The following GALNT16 variants were observed in gnomAD, a reference collection of about 807,000 sequenced individuals.
GALNT16 encodes polypeptide N-acetylgalactosaminyltransferase 16.
GALNT16 carries 40 observed loss-of-function variants against 76.1 expected under a neutral mutation model. That is an observed-to-expected ratio of 0.53 (90% CI 0.41 to 0.68). The LOEUF is 0.68. Among genes scored for constraint, GALNT16 ranks in the 30% least tolerant of loss-of-function variants. The pLI, the probability that GALNT16 is intolerant of heterozygous loss-of-function variation, is 0.00. For synonymous variants in GALNT16, 276 were observed against 285.2 expected (o/e 0.97, Z 0.32); for missense variants, 621 against 731.9 (o/e 0.85, Z 1.75).
rs1468226777 is a variant in GALNT16 at position 69,341,667 on chromosome 14, GCCT to G, written c.1188-7_1188-5del. The G allele has an allele frequency of 6.3e-7, 1 of 1,595,754 alleles. No homozygotes were observed. Among genetic ancestry groups the G allele is most frequent in the Non-Finnish European group, 8.6e-7 (1 of 1,166,524 alleles). On this transcript the variant is annotated splice_polypyrimidine_tract_variant and intron_variant, in intron 11 of 14. Transcript: ENST00000448469. ...ACTGGCAGGCCAAAGCCCAAGCCCT[GCCT>G]CCTCCTACAGTGTGGCTACGCGGAT...
At chr14:69,286,819 T>C (rs1249753681) in intron 1 of GALNT16, among the ~76,000 whole-genome samples, 1 of 152,148 alleles carries the variant, frequency 6.6e-6, no homozygotes, top group Non-Finnish European at 1.5e-5. Flanking sequence ...CAGATGGGTG[T>C]TCACTATACA....
chr14:69,323,014 A>G (rs1440393169), intron 2 of GALNT16, among the ~76,000 whole-genome samples: 14 of 136,662 alleles, frequency 1.0e-4, no homozygotes, highest in South Asian at 2.4e-4. Flanking sequence ...GCACACGTGT[A>G]GGGAAGCAAA....
intron 10 of GALNT16, among the ~76,000 whole-genome samples, 170 bp downstream of exon 10, chr14:69,338,947 G>A (rs2045448873): frequency 6.6e-6 from 1 of 152,088 alleles, no homozygotes; most frequent in Non-Finnish European, 1.5e-5. Context: ...ACCTTCAGGG[G>A]TGGAGGGAGT....
intron 6 of GALNT16, among the ~76,000 whole-genome samples, chr14:69,331,053 G>T (rs1447521532): frequency 2.0e-5 from 3 of 152,160 alleles, no homozygotes; most frequent in African/African-American, 7.2e-5. Context: ...TAAAGCAACA[G>T]TTCAGACCAG....
chr14:69,370,120 C>G, the GALNT16 span, among the ~76,000 whole-genome samples: 2 of 152,166 alleles, frequency 1.3e-5, no homozygotes, highest in African/African-American at 4.8e-5. Context: ...AGTGCTGACT[C>G]TGTTTACATC....
intron 9 of GALNT16, among the ~76,000 whole-genome samples, chr14:69,336,348 G>A (rs181051393): frequency 0.038 from 5,804 of 152,196 alleles, 134 homozygotes; most frequent in South Asian, 0.054. Flanking sequence ...GACCTCTCAG[G>A]TGATCCACCC....
At chr14:69,286,254 G>A (rs1364054197) in intron 1 of GALNT16, among the ~76,000 whole-genome samples, 1 of 151,938 alleles carries the variant, frequency 6.6e-6, no homozygotes, top group Non-Finnish European at 1.5e-5. Context: ...TTCTTGGTAG[G>A]GATTTGGACT....
chr14:69,377,637 T>A, the GALNT16 span, among the ~76,000 whole-genome samples: 1 of 151,346 alleles, frequency 6.6e-6, no homozygotes, highest in Admixed American at 6.6e-5. Context: ...GGAGACCTCA[T>A]CTCTACAAAA....
chr14:69,378,512 A>G, the GALNT16 span, among the ~76,000 whole-genome samples: 1 of 152,230 alleles, frequency 6.6e-6, no homozygotes, highest in East Asian at 1.9e-4. Flanking sequence ...CTTTCATTGC[A>G]CATTTCACCT....
intron 1 of GALNT16, among the ~76,000 whole-genome samples, chr14:69,271,344 G>C (rs75742311): frequency 0.01 from 1,531 of 152,356 alleles, 11 homozygotes; most frequent in Non-Finnish European, 0.015. Context: ...CAGAAGGCCA[G>C]CGCTGGGGCA....
the GALNT16 span, among the ~76,000 whole-genome samples, chr14:69,374,954 A>G: frequency 6.6e-6 from 1 of 151,874 alleles, no homozygotes; most frequent in African/African-American, 2.4e-5. Flanking sequence ...AAATGACATT[A>G]ATTTATTCAT....
intron 1 of GALNT16, among the ~76,000 whole-genome samples, chr14:69,287,895 G>A (rs377505753): frequency 5.3e-5 from 8 of 152,250 alleles, no homozygotes; most frequent in East Asian, 3.9e-4. Context: ...CTTGATCCTC[G>A]CCTGGGTATT....
At chr14:69,380,521 C>CCCGG in the GALNT16 span, 1 of 1,367,756 alleles carries the variant, frequency 7.3e-7, no homozygotes, top group Non-Finnish European at 1.0e-6. Flanking sequence ...CCAACCCCCC[C>CCCGG]AGTGCTTCCA....
intron 5 of GALNT16, among the ~76,000 whole-genome samples, chr14:69,326,228 T>C (rs1283501670): frequency 6.6e-6 from 1 of 152,216 alleles, no homozygotes; most frequent in Non-Finnish European, 1.5e-5. Context: ...AGTTGCTCCA[T>C]CTCTGACTGC....
At position 69,325,351 on chromosome 14, in the gene GALNT16, C is replaced by G. The variant is rs759675048; in HGVS notation, c.449C>G (p.Thr150Ser). The G allele has an allele frequency of 2.5e-6, 4 of 1,598,820 alleles. No homozygotes were observed. The South Asian group carries it at 4.4e-5, about 18-fold the overall frequency. ...LRTVKSVLNR[T>S]PANLIQEIIL... Reference sequence around the variant, plus strand: ...TGCTACTGTAGTGTCCTGAACCGAACTCCTGCCAACTTGATCCAGGAGATC... The same window carrying G: ...TGCTACTGTAGTGTCCTGAACCGAAGTCCTGCCAACTTGATCCAGGAGATC... Residue 150 changes from threonine (T) to serine (S), a missense_variant, in exon 4 of 15, where the codon ACT (threonine) becomes AGT (serine). Thr to Ser is a moderately conservative substitution (Grantham distance 58). Coordinates refer to ENST00000448469, the MANE Select transcript of GALNT16 (RefSeq NM_001168368.2).
At chr14:69,274,980 C>G (rs983283140) in intron 1 of GALNT16, among the ~76,000 whole-genome samples, 3 of 152,222 alleles carry the variant, frequency 2.0e-5, no homozygotes, top group African/African-American at 4.8e-5. Flanking sequence ...GGATACCCAC[C>G]ACCTGATGGC....
At chr14:69,386,254 T>C in the GALNT16 span, among the ~76,000 whole-genome samples, 1 of 152,254 alleles carries the variant, frequency 6.6e-6, no homozygotes, top group Non-Finnish European at 1.5e-5. Context: ...GAAGTGCCTA[T>C]GAGTAAGACT....
At chr14:69,323,051 C>A (rs2045226687) in intron 2 of GALNT16, among the ~76,000 whole-genome samples, 1 of 150,282 alleles carries the variant, frequency 6.7e-6, no homozygotes, top group Admixed American at 6.6e-5. Flanking sequence ...GTGGGCAGGC[C>A]TCCTGCCATG....
At chr14:69,308,624 A>G (rs2044973619) in intron 1 of GALNT16, among the ~76,000 whole-genome samples, 1 of 152,198 alleles carries the variant, frequency 6.6e-6, no homozygotes, top group Non-Finnish European at 1.5e-5. Flanking sequence ...CATTTCACAT[A>G]TTTACATGAG....
Sources: allele counts gnomAD v4.1 joint callset (sites outside exome capture counted in the v4.1 genomes callset), GRCh38; gene constraint gnomAD v4.1.1; transcripts MANE v1.5; gene names NCBI Gene and HGNC (gene_info 2026-07-23, HGNC 2026-07-21).